FBXL18: variants seen among roughly 807,000 people sequenced by gnomAD.
The protein encoded by FBXL18 is F-box/LRR-repeat protein 18.
In FBXL18, 36 loss-of-function variants were observed where a neutral mutation model predicts 46.0. The ratio of observed to expected loss-of-function variants is 0.78; its 90% CI spans 0.60 to 1.03. The LOEUF is 1.03. Ranked by LOEUF, FBXL18 falls within the 50% of genes least tolerant of loss-of-function variation. FBXL18 has a pLI of 0.00. For synonymous variants in FBXL18, 557 were observed against 465.3 expected (o/e 1.20, Z -2.54); for missense variants, 977 against 1,004.1 (o/e 0.97, Z 0.36).
chr7:5,470,171 C>A (rs1386338050), intron 4 of FBXL18, among the ~76,000 whole-genome samples: 2 of 152,160 alleles, frequency 1.3e-5, no homozygotes, highest in Non-Finnish European at 2.9e-5. Context: ...CCCCTGCCAG[C>A]CATCATCTTC....
intron 1 of FBXL18, among the ~76,000 whole-genome samples, chr7:5,509,292 T>TA (rs1471319248): frequency 6.6e-6 from 1 of 151,610 alleles, no homozygotes; most frequent in African/African-American, 2.4e-5. Flanking sequence ...TAATTTTTTT[T>TA]AAAAAGAGAG....
At chr7:5,464,301 A>C (rs1325941820) in intron 4 of FBXL18, among the ~76,000 whole-genome samples, 1 of 152,030 alleles carries the variant, frequency 6.6e-6, no homozygotes, top group Non-Finnish European at 1.5e-5. Context: ...CAACATGACA[A>C]AACCCTGTCT....
At chr7:5,486,098 T>A (rs1158056411) in intron 4 of FBXL18, among the ~76,000 whole-genome samples, 3 of 132,200 alleles carry the variant, frequency 2.3e-5, no homozygotes, top group South Asian at 2.5e-4. Context: ...AATAAATAAA[T>A]AAAAATTTAG....
intron 2 of FBXL18, among the ~76,000 whole-genome samples, chr7:5,503,129 C>A: frequency 6.6e-6 from 1 of 152,282 alleles, no homozygotes; most frequent in East Asian, 1.9e-4. Context: ...TGCCTGTAAT[C>A]CCGCACTTTG....
chr7:5,513,689 C>T lies in FBXL18; in HGVS notation c.-15G>A, dbSNP rs764187950. 6.2e-7 allele frequency: 1 copy of T among 1,601,624 alleles called. No individual in the cohort carries two copies. Among genetic ancestry groups the T allele is most frequent in the East Asian group, 2.3e-5 (1 of 44,122 alleles). On this transcript the variant is annotated 5_prime_UTR_variant, in exon 1 of 5. Coordinates refer to ENST00000382368, the MANE Select transcript of FBXL18 (RefSeq NM_024963.6). Reference sequence around the variant, plus strand: ...GAGCTGGCCATGTCGCCGGCGGGTCCGAACCGCGGCCGCGGGATCCGCAAC... The same window carrying T: ...GAGCTGGCCATGTCGCCGGCGGGTCTGAACCGCGGCCGCGGGATCCGCAAC...
chr7:5,498,440 GC>G (rs1392450186), intron 3 of FBXL18, among the ~76,000 whole-genome samples: 1 of 152,134 alleles, frequency 6.6e-6, no homozygotes, highest in African/African-American at 2.4e-5. Context: ...AGGCCAGGGG[GC>G]TTCACACGCT....
intron 3 of FBXL18, among the ~76,000 whole-genome samples, chr7:5,500,094 T>TAAA (rs35585441): frequency 2.1e-5 from 3 of 140,408 alleles, no homozygotes; most frequent in African/African-American, 2.7e-5. Context: ...AAATTTAAAT[T>TAAA]AAAAAAAAAA....
chr7:5,481,551 A>C lies in FBXL18; in HGVS notation c.*224T>G. On this transcript the variant is annotated 3_prime_UTR_variant, in exon 5 of 5. Coordinates refer to ENST00000382368, the MANE Select transcript of FBXL18 (RefSeq NM_024963.6). The stretch of plus-strand genomic sequence containing the variant: ...AGCCCCCCACATCGACCGTCCCCCG[A>C]GCCCCCTCATGTCACCCAGAACGCA... 8.6e-5 allele frequency: 36 copies of C among 419,710 alleles called. No homozygotes were observed. The highest frequency in any genetic ancestry group is 9.9e-5 in the Non-Finnish European group (23 of 231,908). 26.0% of individuals were successfully genotyped at this position (419,710 alleles called of 1,614,324 possible).
chr7:5,505,403 C>G lies in FBXL18; in HGVS notation c.237+9G>C, dbSNP rs774788032. 3.1e-5 allele frequency: 50 copies of G among 1,613,272 alleles called. No homozygotes were observed. In the East Asian group the frequency reaches 9.8e-4, roughly 32 times the overall value. ...TTGTTTCTCATCTCCTGCCCCCACG[C>G]CTGCTCACCTGATAGTCCTTTTGCA... On this transcript the variant is annotated intron_variant, in intron 2 of 4. Transcript: ENST00000382368.
At chr7:5,469,257 C>G (rs1373015024) in intron 4 of FBXL18, among the ~76,000 whole-genome samples, 1 of 152,038 alleles carries the variant, frequency 6.6e-6, no homozygotes, top group Non-Finnish European at 1.5e-5. Flanking sequence ...ACTAAAAATA[C>G]AAAAATCAGC....
At chr7:5,512,243 T>A (rs1584251135) in intron 1 of FBXL18, among the ~76,000 whole-genome samples, 3 of 101,758 alleles carry the variant, frequency 2.9e-5, no homozygotes, top group Non-Finnish European at 3.8e-5. Context: ...AGACTCCGTC[T>A]CAAAAAAAAA....
chr7:5,460,639 G>A (rs893760777), intron 4 of FBXL18, among the ~76,000 whole-genome samples: 1 of 152,166 alleles, frequency 6.6e-6, no homozygotes, highest in Admixed American at 6.5e-5. Context: ...TTTTAGTAGA[G>A]ATGGGGTTTC....
intron 1 of FBXL18, among the ~76,000 whole-genome samples, chr7:5,507,803 C>T (rs145383041): frequency 0.071 from 10,867 of 152,014 alleles, 499 homozygotes; most frequent in Non-Finnish European, 0.099. Flanking sequence ...CACTGCACTC[C>T]AGCCTGGGCA....
intron 4 of FBXL18, among the ~76,000 whole-genome samples, chr7:5,457,677 G>T (rs1427197952): frequency 6.6e-6 from 1 of 152,218 alleles, no homozygotes; most frequent in African/African-American, 2.4e-5. Flanking sequence ...GAAGGCTTGG[G>T]AAATGCAGCT....
At chr7:5,486,757 A>G (rs1194754881) in intron 4 of FBXL18, among the ~76,000 whole-genome samples, 1 of 152,222 alleles carries the variant, frequency 6.6e-6, no homozygotes, top group African/African-American at 2.4e-5. Context: ...CAAAAAAGGC[A>G]GCGCGGTCAC....
At chr7:5,488,323 T>G (rs1452705816) in intron 4 of FBXL18, among the ~76,000 whole-genome samples, 3 of 152,190 alleles carry the variant, frequency 2.0e-5, no homozygotes, top group Non-Finnish European at 2.9e-5. Flanking sequence ...GACCCGCCTG[T>G]AGCGCCATGC....
chr7:5,492,026 A>C (rs1783940737), intron 3 of FBXL18, among the ~76,000 whole-genome samples: 2 of 151,552 alleles, frequency 1.3e-5, no homozygotes, highest in Non-Finnish European at 2.9e-5. Flanking sequence ...ATGGGAGGAC[A>C]GCGCTGGATG....
rs773633529 is a variant in FBXL18, at chr7:5,505,426, G to C, written c.223C>G (p.Gln75Glu). ...DKSLIHTVLLQKDYQASEDKV... is the reference protein window; with the variant it reads ...DKSLIHTVLLEKDYQASEDKV... Reference sequence around the variant, plus strand: ...CGCCTGCTCACCTGATAGTCCTTTTGCAGCAACACGGTGTGGATGAGGCTC... The same window carrying C: ...CGCCTGCTCACCTGATAGTCCTTTTCCAGCAACACGGTGTGGATGAGGCTC... Residue 75 changes from glutamine (Q) to glutamate (E), a missense_variant, in exon 2 of 5, where the codon CAA (glutamine) becomes GAA (glutamate). Physicochemically the swap from Gln to Glu is conservative, Grantham distance 29. Transcript: ENST00000382368. 1.2e-6 allele frequency: 2 copies of C among 1,614,072 alleles called. No homozygotes were observed. The highest frequency in any genetic ancestry group is 4.5e-5 in the East Asian group (2 of 44,878).
At chr7:5,489,515 A>C (rs1783859416) in intron 4 of FBXL18, 96 of 339,548 alleles carry the variant, frequency 2.8e-4, no homozygotes, top group South Asian at 2.2e-3. Context: ...TCACGCCTGT[A>C]ATCCCAGCAC....
Sources: gnomAD v4.1 joint callset for allele counts (sites outside exome capture counted in the v4.1 genomes callset) on GRCh38, gnomAD v4.1.1 for gene constraint, MANE v1.5 for transcripts, NCBI Gene and HGNC (gene_info 2026-07-23, HGNC 2026-07-21) for gene names.